The following ELOVL1 variants were observed in gnomAD, a reference collection of about 807,000 sequenced individuals.
ELOVL1 encodes the protein ELOVL fatty acid elongase 1.
In ELOVL1, 10 loss-of-function variants were observed where a neutral mutation model predicts 37.8. That is an observed-to-expected ratio of 0.26 (90% CI 0.16 to 0.45). The LOEUF is 0.45. Ranked by LOEUF, ELOVL1 falls within the 20% of genes least tolerant of loss-of-function variation. The pLI is 1.00. For missense variants in ELOVL1, 256 were observed against 352.7 expected, an observed-to-expected ratio of 0.73 and a Z score of 2.20; for synonymous variants, 133 against 123.8, an observed-to-expected ratio of 1.07 and a Z score of -0.49.
chr1:43,367,637 C>G (rs998658809), intron 1 of ELOVL1: 1 of 126,034 alleles, frequency 7.9e-6, no homozygotes, highest in Non-Finnish European at 1.7e-5. Flanking sequence ...GTTAGGGTAG[C>G]GGGGGGAGGG....
rs1647189736 is a variant in ELOVL1, at chr1:43,363,887, T to C, written c.*29A>G. ...CCCTAAGGTGCAGTCCTGAGGCACTTAGGTGGGCGCCTATCTAGGCCATGC... is the reference window on the plus strand; with the variant it reads ...CCCTAAGGTGCAGTCCTGAGGCACTCAGGTGGGCGCCTATCTAGGCCATGC... On this transcript the variant is annotated 3_prime_UTR_variant, in exon 8 of 8. Coordinates refer to ENST00000372458, the MANE Select transcript of ELOVL1 (RefSeq NM_022821.4). 1 of 1,605,546 alleles carries C rather than the reference T, an allele frequency of 6.2e-7. No homozygotes were observed. Among genetic ancestry groups the C allele is most frequent in the Non-Finnish European group, 8.5e-7 (1 of 1,174,248 alleles).
At chr1:43,365,720 C>T (rs533187440) in intron 1 of ELOVL1, 97 bp from the exon 2 acceptor site, 1 of 1,218,326 alleles carries the variant, frequency 8.2e-7, no homozygotes, top group African/African-American at 1.5e-5. Flanking sequence ...CCTGCAATGC[C>T]TCATTGCAGA....
chr1:43,363,859 C>T lies in ELOVL1; in HGVS notation c.*57G>A. Reference sequence around the variant, plus strand: ...TAGGTGGAGAGGGCACTGACGGACACTGCCCTAAGGTGCAGTCCTGAGGCA... The same window carrying T: ...TAGGTGGAGAGGGCACTGACGGACATTGCCCTAAGGTGCAGTCCTGAGGCA... On this transcript the variant is annotated 3_prime_UTR_variant, in exon 8 of 8. Transcript: ENST00000372458. 1.3e-6 allele frequency: 2 copies of T among 1,510,164 alleles called. No individual in the cohort carries two copies. 93.5% of individuals were successfully genotyped at this position (1,510,164 alleles called of 1,614,324 possible). A position where few individuals can be genotyped will look rare whatever the true frequency, so the allele number is the denominator to read the frequency against.
chr1:43,365,892 G>GCCT lies in ELOVL1; in HGVS notation c.-14-272_-14-270dup, dbSNP rs148677355. Among the ~76,000 whole-genome samples the GCCT allele has an allele frequency of 7.0e-3, 1,063 of 151,460 alleles. 8 individuals are homozygous for GCCT. The highest frequency in any genetic ancestry group is 0.025 in the African/African-American group (1,011 of 41,222). On this transcript the variant is annotated intron_variant, in intron 1 of 7. Transcript: ENST00000372458. ...CTCCTCTCCACAGTTTTACTTCCTG[G>GCCT]CCTCCCTTCCCCTCTTCCTCCACAA... is the stretch of plus-strand genomic sequence containing the variant.
Position 43,367,984 on chromosome 1 carries a change from A to AGCCT in ELOVL1, c.-88_-85dup, listed in dbSNP as rs1211441927. On this transcript the variant is annotated 5_prime_UTR_variant, in exon 1 of 8. An upstream open reading frame in the 5' UTR gains an earlier in-frame stop. Transcript: ENST00000372458. ...GGGCCAGAGAGAAGTCCCCGGGGCC[A>AGCCT]GCCTGCCTGCCTGCCACTTCCTCAT... is the stretch of plus-strand genomic sequence containing the variant. 6.6e-6 allele frequency: 1 copy of AGCCT among 151,916 alleles called. No individual in the cohort carries two copies. The highest frequency in any genetic ancestry group is 6.6e-5 in the Admixed American group (1 of 15,256). 9.4% of individuals were successfully genotyped at this position (151,916 alleles called of 1,614,324 possible). A position where few individuals can be genotyped will look rare whatever the true frequency, so the allele number is the denominator to read the frequency against.
rs1647188899 is a variant in ELOVL1, at chr1:43,363,820, C to T, written c.*96G>A. On this transcript the variant is annotated 3_prime_UTR_variant, in exon 8 of 8. Transcript: ENST00000372458. ...CCTGCTCAGTCCTGACCACATAAGC[C>T]TTGGTCACAGGTGTAGGTGGAGAGG... The T allele has an allele frequency of 8.6e-7, 1 of 1,163,614 alleles. No individual in the cohort carries two copies. Among genetic ancestry groups the T allele is most frequent in the Non-Finnish European group, 1.3e-6 (1 of 788,662 alleles). 72.1% of individuals were successfully genotyped at this position (1,163,614 alleles called of 1,614,324 possible).
chr1:43,364,876 A>G lies in ELOVL1; in HGVS notation c.318+52T>C, dbSNP rs529132031. 1.9e-6 allele frequency: 3 copies of G among 1,613,980 alleles called. No homozygotes were observed. Among genetic ancestry groups the G allele is most frequent in the Non-Finnish European group, 2.5e-6 (3 of 1,179,870 alleles). On this transcript the variant is annotated intron_variant, in intron 4 of 7. Coordinates refer to ENST00000372458, the MANE Select transcript of ELOVL1 (RefSeq NM_022821.4). The surrounding 1 kb of genome is among the most constrained non-coding windows in gnomAD (Gnocchi z 5.2). ...AACTGGGCCTTGAGCACAGGCCCCA[A>G]ACTGGTCATATCTACCAGGTTGCTT...
chr1:43,364,895 G>T lies in ELOVL1; in HGVS notation c.318+33C>A, dbSNP rs1354625589. On this transcript the variant is annotated intron_variant, in intron 4 of 7. Transcript: ENST00000372458. This position sits in a 1 kb window ranked among gnomAD's most constrained non-coding sequence, Gnocchi z 5.2. ...GCCCCAAACTGGTCATATCTACCAG[G>T]TTGCTTATGACCTAGCCCCAGCCCC... The T allele has an allele frequency of 6.2e-7, 1 of 1,613,892 alleles. No homozygotes were observed. The highest frequency in any genetic ancestry group is 8.5e-7 in the Non-Finnish European group (1 of 1,179,838).
In ELOVL1 at chr1:43,364,190, AAG is replaced by A; in HGVS notation, c.619-55_619-54del. ...GGGAATAGTGAGAGGACTAGAGGGG[AAG>A]AGGGGGTAGAGAAAGAGACAAACGT... On this transcript the variant is annotated intron_variant, in intron 7 of 7. Transcript: ENST00000372458. This position sits in a 1 kb window ranked among gnomAD's most constrained non-coding sequence, Gnocchi z 5.2. 1 of 1,610,568 alleles carries A rather than the reference AAG, an allele frequency of 6.2e-7. No individual in the cohort carries two copies. Among genetic ancestry groups the A allele is most frequent in the Non-Finnish European group, 8.5e-7 (1 of 1,177,296 alleles).
Position 43,364,463 on chromosome 1 carries a change from G to A in ELOVL1, c.482-3C>T. ...GGCATGGAAAGAGCCCATTCCTCCT[G>A]TGAGTGGACAATAAGACAGGGTCAG... On this transcript the variant is annotated splice_polypyrimidine_tract_variant and splice_region_variant and intron_variant, in intron 6 of 7. Coordinates refer to ENST00000372458, the MANE Select transcript of ELOVL1 (RefSeq NM_022821.4). This position sits in a 1 kb window ranked among gnomAD's most constrained non-coding sequence, Gnocchi z 5.2. The A allele has an allele frequency of 2.5e-6, 4 of 1,614,158 alleles. No individual in the cohort carries two copies. Among genetic ancestry groups the A allele is most frequent in the Non-Finnish European group, 3.4e-6 (4 of 1,180,016 alleles).
chr1:43,364,433 A>G lies in ELOVL1; in HGVS notation c.509T>C (p.Ile170Thr). ...PGGMGSFHAM[I>T]NSSVHVIMYL... ...CATTATGACATGCACGGAAGAGTTTATCATGGCATGGAAAGAGCCCATTCC... is the reference window on the plus strand; with the variant it reads ...CATTATGACATGCACGGAAGAGTTTGTCATGGCATGGAAAGAGCCCATTCC... The change falls in exon 7 of 8, where the codon ATA becomes ACA. Residue 170 changes from isoleucine (I) to threonine (T), a missense_variant. Coordinates refer to ENST00000372458, the MANE Select transcript of ELOVL1 (RefSeq NM_022821.4). The surrounding 1 kb of genome is among the most constrained non-coding windows in gnomAD (Gnocchi z 5.2). 6.2e-7 allele frequency: 1 copy of G among 1,614,160 alleles called. No homozygotes were observed. Among genetic ancestry groups the G allele is most frequent in the South Asian group, 1.1e-5 (1 of 91,084 alleles).
rs199777987 is a variant in ELOVL1 at position 43,365,624 on chromosome 1, C to A, written c.-14-1G>T. On this transcript the variant is annotated splice_acceptor_variant, in intron 1 of 7. Coordinates refer to ENST00000372458, the MANE Select transcript of ELOVL1 (RefSeq NM_022821.4). LOFTEE classifies it low-confidence loss of function (5UTR_SPLICE). ...ACAGCCTCCATCCTGGCTAAGGACT[C>A]TGGGGAGGTACAGAGGGCGGATGTC... 164 of 1,614,122 alleles carry A rather than the reference C, an allele frequency of 1.0e-4. 1 individual carries two copies. The African/African-American group carries it at 1.9e-3, about 18-fold the overall frequency.
chr1:43,364,026 A>G lies in ELOVL1; in HGVS notation c.730T>C (p.Phe244Leu), dbSNP rs372086459. Reference sequence around the variant, plus strand: ...TACCAGAAGTTGGAGAACAGCATGAAGAAGATGGTGCCATACATCCAGATG... The same window carrying G: ...TACCAGAAGTTGGAGAACAGCATGAGGAAGATGGTGCCATACATCCAGATG... ...HLIWMYGTIF[F>L]MLFSNFWYHS... The change falls in exon 8 of 8, where the codon TTC becomes CTC. Residue 244 changes from phenylalanine (F) to leucine (L), a missense_variant. By Grantham distance (22) the Phe-to-Leu change is conservative (BLOSUM62 0). Coordinates refer to ENST00000372458, the MANE Select transcript of ELOVL1 (RefSeq NM_022821.4). This position sits in a 1 kb window ranked among gnomAD's most constrained non-coding sequence, Gnocchi z 5.2. 7 of 1,614,068 alleles carry G rather than the reference A, an allele frequency of 4.3e-6. No individual in the cohort carries two copies. Among genetic ancestry groups the G allele is most frequent in the Non-Finnish European group, 5.9e-6 (7 of 1,180,042 alleles).
rs937682878 is a variant in ELOVL1 at position 43,365,320 on chromosome 1, G to A, written c.103C>T (p.Leu35Phe). 1.9e-6 allele frequency: 3 copies of A among 1,613,914 alleles called. No homozygotes were observed. The highest frequency in any genetic ancestry group is 2.5e-6 in the Non-Finnish European group (3 of 1,179,936). Residue 35 changes from leucine to phenylalanine, a missense_variant, in exon 3 of 8, where the codon CTC (leucine) becomes TTC (phenylalanine). By Grantham distance (22) the Leu-to-Phe change is conservative. This residue lies in a region of ELOVL1 where 158 missense variants were observed against 189.4 expected (regional missense o/e 0.83). Coordinates refer to ENST00000372458, the MANE Select transcript of ELOVL1 (RefSeq NM_022821.4). ...MGSPLLMTSI[L>F]LTYVYFVLSL... The stretch of plus-strand genomic sequence containing the variant: ...AGAACGAAGTACACGTAGGTCAGGA[G>A]AATGGAGGTCATTAGCAAGGGGGAC...
At chr1:43,367,047 T>C in intron 1 of ELOVL1, 1 of 152,482 alleles carries the variant, frequency 6.6e-6, no homozygotes. Flanking sequence ...CGCACACCCC[T>C]CACCTCCAGG....
Position 43,365,020 on chromosome 1 carries a change from T to G in ELOVL1, c.238-12A>C, listed in dbSNP as rs1468642159. On this transcript the variant is annotated splice_polypyrimidine_tract_variant and intron_variant, in intron 3 of 7. Transcript: ENST00000372458. Reference sequence around the variant, plus strand: ...CCCGACATCAGGAACTGGGAAGGGATGTGGATTAGACCACCAGAGTTCTCC... The same window carrying G: ...CCCGACATCAGGAACTGGGAAGGGAGGTGGATTAGACCACCAGAGTTCTCC... 3 of 1,611,596 alleles carry G rather than the reference T, an allele frequency of 1.9e-6. No homozygotes were observed. The highest frequency in any genetic ancestry group is 2.5e-6 in the Non-Finnish European group (3 of 1,179,006).
Position 43,364,932 on chromosome 1 carries a change from A to C in ELOVL1, c.314T>G (p.Leu105Arg), listed in dbSNP as rs749989032. 1.2e-6 allele frequency: 2 copies of C among 1,613,996 alleles called. No homozygotes were observed. Among genetic ancestry groups the C allele is most frequent in the Non-Finnish European group, 1.7e-6 (2 of 1,179,952 alleles). Residue 105 changes from leucine (L) to arginine (R), a missense_variant, in exon 4 of 8, where the codon CTT (leucine) becomes CGT (arginine). Physicochemically the swap from Leu to Arg is moderately radical, Grantham distance 102. This residue lies in a region of ELOVL1 where 158 missense variants were observed against 189.4 expected (regional missense o/e 0.83). Transcript: ENST00000372458. This position sits in a 1 kb window ranked among gnomAD's most constrained non-coding sequence, Gnocchi z 5.2. ...CTAGCCCCAGCCCCTACTTACCCTA[A>C]GTGCCTCAGGGCTGTTGGAATAGTC... Reference protein sequence around the residue: ...PVDYSNSPEALRMVRVAWLFL... With the variant: ...PVDYSNSPEARRMVRVAWLFL...
rs1647195605 is a variant in ELOVL1 at position 43,364,271 on chromosome 1, C to T, written c.618+53G>A. On this transcript the variant is annotated intron_variant, in intron 7 of 7. Transcript: ENST00000372458. The surrounding 1 kb of genome is among the most constrained non-coding windows in gnomAD (Gnocchi z 5.2). Reference sequence around the variant, plus strand: ...AGACAGACTGGATAAAGGCAGGATCCAGGCTAGGAATGTGGGGGGATGGTT... The same window carrying T: ...AGACAGACTGGATAAAGGCAGGATCTAGGCTAGGAATGTGGGGGGATGGTT... 6.2e-7 allele frequency: 1 copy of T among 1,612,976 alleles called. No homozygotes were observed. Among genetic ancestry groups the T allele is most frequent in the Non-Finnish European group, 8.5e-7 (1 of 1,179,604 alleles).
Position 43,364,517 on chromosome 1 carries a change from T to G in ELOVL1, c.481+25A>C, listed in dbSNP as rs535154875. Reference sequence around the variant, plus strand: ...AGTCCAGCCTCTGGTGCCCACCCTTTCCCATAGTGGCCTTCACCACTCACC... The same window carrying G: ...AGTCCAGCCTCTGGTGCCCACCCTTGCCCATAGTGGCCTTCACCACTCACC... On this transcript the variant is annotated intron_variant, in intron 6 of 7. Transcript: ENST00000372458. The surrounding 1 kb of genome is among the most constrained non-coding windows in gnomAD (Gnocchi z 5.2). The G allele has an allele frequency of 1.2e-6, 2 of 1,613,982 alleles. No homozygotes were observed. The highest frequency in any genetic ancestry group is 2.7e-5 in the African/African-American group (2 of 74,980).
Sources: gnomAD v4.1 joint callset for allele counts (sites outside exome capture counted in the v4.1 genomes callset) on GRCh38, gnomAD v4.1.1 for gene constraint, gnomAD v4.1.1 regional missense constraint, Gnocchi (gnomAD v3.1) non-coding constraint, MANE v1.5 for transcripts, NCBI Gene and HGNC (gene_info 2026-07-23, HGNC 2026-07-21) for gene names.